ADGRB1: variants seen among roughly 807,000 people sequenced by gnomAD.
The protein encoded by ADGRB1 is brain-specific angiogenesis inhibitor 1.
ADGRB1 carries 36 observed loss-of-function variants against 175.7 expected under a neutral mutation model. That is an observed-to-expected ratio of 0.20 (90% CI 0.16 to 0.27). The LOEUF is 0.27. ADGRB1 is among the 10% of genes least tolerant of loss of function. The pLI is 1.00. For missense variants in ADGRB1, 1,731 were observed against 2,255.3 expected, an observed-to-expected ratio of 0.77 and a Z score of 4.71; for synonymous variants, 1,054 against 979.4, an observed-to-expected ratio of 1.08 and a Z score of -1.42.
At position 142,542,451 on chromosome 8, in the gene ADGRB1, C is replaced by T. The variant is rs1300995224; in HGVS notation, c.4217C>T (p.Ala1406Val). 4.4e-6 allele frequency: 6 copies of T among 1,378,934 alleles called. No individual in the cohort carries two copies. Among genetic ancestry groups the T allele is most frequent in the Non-Finnish European group, 5.8e-6 (6 of 1,039,056 alleles). The allele number at this position is 1,378,934 out of a possible 1,614,324, so 85.4% of individuals were successfully genotyped here. ...RQPPSGGPPEAPPAQPPPPPP... is the reference protein window; with the variant it reads ...RQPPSGGPPEVPPAQPPPPPP... Reference sequence around the variant, plus strand: ...CCCCCCAGCGGCGGGCCCCCCGAGGCACCCCCTGCCCAGCCCCCACCGCCT... The same window carrying T: ...CCCCCCAGCGGCGGGCCCCCCGAGGTACCCCCTGCCCAGCCCCCACCGCCT... The change falls in exon 28 of 31, where the codon GCA becomes GTA. Residue 1406 changes from alanine to valine, a missense_variant. Coordinates refer to ENST00000517894, the MANE Select transcript of ADGRB1 (RefSeq NM_001702.3). This position sits in a 1 kb window ranked among gnomAD's most constrained non-coding sequence, Gnocchi z 6.3.
intron 1 of ADGRB1, among the ~76,000 whole-genome samples, chr8:142,453,007 C>T (rs1181401374): frequency 6.8e-6 from 1 of 147,462 alleles, no homozygotes. Flanking sequence ...CTTGGGCAGC[C>T]CCGGCCGCCA....
Position 142,489,391 on chromosome 8 carries a change from C to T in ADGRB1, c.2584C>T (p.Arg862Cys). 6.2e-7 allele frequency: 1 copy of T among 1,613,014 alleles called. No individual in the cohort carries two copies. Among genetic ancestry groups the T allele is most frequent in the East Asian group, 2.2e-5 (1 of 44,868 alleles). ...VISVTVKPPPRSLRTPLEIEF... is the reference protein window; with the variant it reads ...VISVTVKPPPCSLRTPLEIEF... The stretch of plus-strand genomic sequence containing the variant: ...CTCCGTGACTGTGAAACCCCCGCCT[C>T]GCTCCCTGCGCACACCCTTGGAGAT... Residue 862 changes from arginine to cysteine, a missense_variant, in exon 16 of 31, where the codon CGC becomes TGC. By Grantham distance (180) the Arg-to-Cys change is radical. Coordinates refer to ENST00000517894, the MANE Select transcript of ADGRB1 (RefSeq NM_001702.3).
At position 142,464,551 on chromosome 8, in the gene ADGRB1, A is replaced by G; in HGVS notation, c.353A>G (p.Glu118Gly). Residue 118 changes from glutamate to glycine, a missense_variant, in exon 2 of 31, where the codon GAG becomes GGG. By Grantham distance (98) the Glu-to-Gly change is moderately conservative. This residue lies in a region of ADGRB1 where 383 missense variants were observed against 383.1 expected (regional missense o/e 1.00). Coordinates refer to ENST00000517894, the MANE Select transcript of ADGRB1 (RefSeq NM_001702.3). ...LESTRTYLGVESFDEVLRLCD... is the reference protein window; with the variant it reads ...LESTRTYLGVGSFDEVLRLCD... ...TCCACGCGCACCTACCTGGGCGTGGAGAGCTTCGACGAGGTGCTGCGGCTC... is the reference window on the plus strand; with the variant it reads ...TCCACGCGCACCTACCTGGGCGTGGGGAGCTTCGACGAGGTGCTGCGGCTC... 1 of 1,556,210 alleles carries G rather than the reference A, an allele frequency of 6.4e-7. No individual in the cohort carries two copies.
At chr8:142,476,031 G>A (rs1274788379) in intron 3 of ADGRB1, among the ~76,000 whole-genome samples, 2 of 152,126 alleles carry the variant, frequency 1.3e-5, no homozygotes, top group Non-Finnish European at 2.9e-5. Flanking sequence ...GAGGGTGTGC[G>A]GAAGGCTGGC....
chr8:142,476,964 T>C (rs1563692109), intron 4 of ADGRB1, 150 bp from the exon 5 acceptor site: 10 of 1,167,256 alleles, frequency 8.6e-6, no homozygotes, highest in Non-Finnish European at 1.2e-5. Context: ...GGCCAGTTCT[T>C]GAGATCAGCC....
chr8:142,481,809 C>T, intron 11 of ADGRB1, 98 bp downstream of exon 11: 1 of 1,101,028 alleles, frequency 9.1e-7, no homozygotes, highest in South Asian at 1.7e-5. Context: ...TGGCCACAGC[C>T]CAGGCCCTAA....
intron 16 of ADGRB1, 28 bp downstream of exon 16, chr8:142,489,466 A>T (rs1164466735): frequency 6.2e-7 from 1 of 1,603,562 alleles, no homozygotes; most frequent in Admixed American, 1.7e-5. Flanking sequence ...GCACACTCTG[A>T]TGCCAGCAGA....
In ADGRB1 at chr8:142,478,182, C is replaced by G. The variant is rs1193395953; in HGVS notation, c.1388-5C>G. 6.3e-7 allele frequency: 1 copy of G among 1,599,676 alleles called. No homozygotes were observed. Among genetic ancestry groups the G allele is most frequent in the Non-Finnish European group, 8.5e-7 (1 of 1,174,108 alleles). On this transcript the variant is annotated splice_polypyrimidine_tract_variant and splice_region_variant and intron_variant, in intron 6 of 30. Transcript: ENST00000517894. ...CGCCCACTTTGTGTCTCCTTCCTCC[C>G]CCGGGCCGGGCAGTGGATGGAAACT...
chr8:142,471,863 G>A (rs545845650), intron 2 of ADGRB1, among the ~76,000 whole-genome samples: 2 of 152,228 alleles, frequency 1.3e-5, no homozygotes, highest in African/African-American at 4.8e-5. Flanking sequence ...TCCACCCTCC[G>A]GGGCCCTCCC....
At chr8:142,507,845 A>C (rs1209674168) in intron 17 of ADGRB1, among the ~76,000 whole-genome samples, 1 of 152,140 alleles carries the variant, frequency 6.6e-6, no homozygotes, top group African/African-American at 2.4e-5. Flanking sequence ...CACAGGGAAA[A>C]GCGGTCTGCA....
rs565641719 is a variant in ADGRB1, at chr8:142,537,439, C to G, written c.3666+357C>G. On this transcript the variant is annotated intron_variant, in intron 26 of 30. Transcript: ENST00000517894. The surrounding 1 kb of genome is among the most constrained non-coding windows in gnomAD (Gnocchi z 4.6). ...ACACCTCCCAGGCCCACCCTCAGTG[C>G]CCTCCATCCCCACCCAGGAAAGTCC... Among the ~76,000 whole-genome samples the G allele has an allele frequency of 2.3e-4, 35 of 152,168 alleles. No individual in the cohort carries two copies. Among genetic ancestry groups the G allele is most frequent in the African/African-American group, 8.0e-4 (33 of 41,494 alleles).
intron 19 of ADGRB1, among the ~76,000 whole-genome samples, chr8:142,519,844 T>C (rs1843669913): frequency 1.3e-5 from 2 of 151,020 alleles, no homozygotes; most frequent in South Asian, 4.2e-4. Context: ...ATGGTGGTAG[T>C]GATGGTAATG....
chr8:142,470,421 C>T (rs1840597476), intron 2 of ADGRB1, among the ~76,000 whole-genome samples: 1 of 151,290 alleles, frequency 6.6e-6, no homozygotes, highest in Admixed American at 6.6e-5. Flanking sequence ...CTATGTGTCC[C>T]CGTGTGGTGT....
In ADGRB1 at chr8:142,464,075, A is replaced by AC; in HGVS notation, c.-121dup. The AC allele has an allele frequency of 2.9e-5, 9 of 307,518 alleles. No individual in the cohort carries two copies. Among genetic ancestry groups the AC allele is most frequent in the East Asian group, 9.4e-5 (1 of 10,584 alleles). The allele number at this position is 307,518 out of a possible 1,614,324, so 19.0% of individuals were successfully genotyped here. A position where few individuals can be genotyped will look rare whatever the true frequency, so the allele number is the denominator to read the frequency against. ...CTGAAGCGGGGCCCTCTCCCATCCC[A>AC]CCCTTGCCCCGCCTCCCTGCCCCCA... On this transcript the variant is annotated 5_prime_UTR_variant, in exon 2 of 31. Coordinates refer to ENST00000517894, the MANE Select transcript of ADGRB1 (RefSeq NM_001702.3).
At chr8:142,463,192 C>T (rs1587252699) in intron 1 of ADGRB1, among the ~76,000 whole-genome samples, 1 of 152,182 alleles carries the variant, frequency 6.6e-6, no homozygotes, top group African/African-American at 2.4e-5. Context: ...CCCCCTCCAT[C>T]CCTCCCCAGG....
chr8:142,492,891 C>T lies in ADGRB1; in HGVS notation c.2675+2076C>T, dbSNP rs1842046528. Among the ~76,000 whole-genome samples the T allele has an allele frequency of 6.6e-6, 1 of 152,068 alleles. No individual in the cohort carries two copies. Reference sequence around the variant, plus strand: ...CCCAGCACTTCCACCAGCACAGGCCCCTCCCCACAGTGCAGAAACCCTCCA... The same window carrying T: ...CCCAGCACTTCCACCAGCACAGGCCTCTCCCCACAGTGCAGAAACCCTCCA... On this transcript the variant is annotated intron_variant, in intron 17 of 30. Coordinates refer to ENST00000517894, the MANE Select transcript of ADGRB1 (RefSeq NM_001702.3). The surrounding 1 kb of genome is among the most constrained non-coding windows in gnomAD (Gnocchi z 4.4).
chr8:142,502,433 TGGTA>T, intron 17 of ADGRB1, among the ~76,000 whole-genome samples: 1 of 1,008 alleles, frequency 9.9e-4, no homozygotes, highest in Non-Finnish European at 2.5e-3. Context: ...GTGGTGGTGG[TGGTA>T]GTGGTGGTGA....
chr8:142,531,113 G>C (rs1216586758), intron 24 of ADGRB1, among the ~76,000 whole-genome samples: 1 of 152,222 alleles, frequency 6.6e-6, no homozygotes, highest in Non-Finnish European at 1.5e-5. Flanking sequence ...GTCTCCATGG[G>C]GAGGGAAGCC....
At chr8:142,532,602 GTC>G (rs1390519440) in intron 24 of ADGRB1, among the ~76,000 whole-genome samples, 2 of 152,118 alleles carry the variant, frequency 1.3e-5, no homozygotes, top group Non-Finnish European at 2.9e-5. Context: ...GTCTGTCTCT[GTC>G]TCTCCTCTGC....
Sources: allele counts gnomAD v4.1 joint callset (sites outside exome capture counted in the v4.1 genomes callset), GRCh38; gene constraint gnomAD v4.1.1; regional missense constraint gnomAD v4.1.1; non-coding constraint Gnocchi (gnomAD v3.1); transcripts MANE v1.5; gene names NCBI Gene and HGNC (gene_info 2026-07-23, HGNC 2026-07-21).